The following PIK3C3 variants were observed in gnomAD, a reference collection of about 807,000 sequenced individuals.
The protein encoded by PIK3C3 is PI3-kinase type 3.
A neutral mutation model predicts 126.1 loss-of-function variants in PIK3C3; 95 were observed. The ratio of observed to expected loss-of-function variants is 0.75; its 90% CI spans 0.64 to 0.89. The LOEUF (loss-of-function observed/expected upper bound fraction) is 0.89, where lower values mean the gene tolerates loss of function less well. Ranked by LOEUF, PIK3C3 falls within the 40% of genes least tolerant of loss-of-function variation. The pLI, the probability that PIK3C3 is intolerant of heterozygous loss-of-function variation, is 0.00. For missense variants in PIK3C3, 829 were observed against 1,063.2 expected (o/e 0.78, Z 3.06); for synonymous variants, 374 against 360.0 (o/e 1.04, Z -0.44).
At chr18:42,064,663 C>G in intron 22 of PIK3C3, 77 bp from the exon 23 acceptor site, 1 of 720,286 alleles carries the variant, frequency 1.4e-6, no homozygotes, top group Non-Finnish European at 2.5e-6. Flanking sequence ...ACCACTACTT[C>G]TAAAGTATTC....
At chr18:41,968,809 T>G (rs2144308435) in intron 3 of PIK3C3, among the ~76,000 whole-genome samples, 1 of 151,224 alleles carries the variant, frequency 6.6e-6, no homozygotes, top group South Asian at 2.1e-4. Flanking sequence ...GAGACAATTT[T>G]TTTTTGTTGT....
intron 14 of PIK3C3, among the ~76,000 whole-genome samples, chr18:42,028,430 G>T (rs1483990804): frequency 1.3e-5 from 2 of 152,302 alleles, no homozygotes; most frequent in Non-Finnish European, 2.9e-5. Context: ...CCAGCAGAGG[G>T]TGCAAGGGCA....
intron 21 of PIK3C3, among the ~76,000 whole-genome samples, chr18:42,056,715 A>G (rs1985081674): frequency 6.6e-6 from 1 of 152,144 alleles, no homozygotes; most frequent in South Asian, 2.1e-4. Flanking sequence ...TGAACAGAGA[A>G]CACATATTTA....
chr18:42,037,843 G>A (rs373824421), intron 17 of PIK3C3, 23 bp downstream of exon 17: 8 of 1,585,280 alleles, frequency 5.0e-6, no homozygotes, highest in African/African-American at 4.0e-5. Flanking sequence ...TTATGTTGGT[G>A]GGGAACATTT....
intron 9 of PIK3C3, among the ~76,000 whole-genome samples, chr18:41,998,860 C>T (rs754704726): frequency 1.3e-5 from 2 of 152,152 alleles, no homozygotes; most frequent in Non-Finnish European, 2.9e-5. Flanking sequence ...CGGATACTCT[C>T]ATACTCCACC....
At chr18:42,054,368 A>C (rs1375248318) in intron 21 of PIK3C3, among the ~76,000 whole-genome samples, 1 of 150,788 alleles carries the variant, frequency 6.6e-6, no homozygotes, top group Non-Finnish European at 1.5e-5. Context: ...GAGGCTGGGC[A>C]AGTCTCTCTT....
At chr18:41,998,401 T>G (rs1463814347) in intron 9 of PIK3C3, among the ~76,000 whole-genome samples, 1 of 152,148 alleles carries the variant, frequency 6.6e-6, no homozygotes. Flanking sequence ...CAGTGTCGTC[T>G]TAAATACACA....
chr18:41,997,494 TG>T (rs1429003053), intron 9 of PIK3C3, among the ~76,000 whole-genome samples: 1 of 152,156 alleles, frequency 6.6e-6, no homozygotes, highest in Non-Finnish European at 1.5e-5. Context: ...CAAATTACTT[TG>T]CCTGTATAAG....
chr18:42,063,882 A>G (rs924762287), intron 22 of PIK3C3, among the ~76,000 whole-genome samples: 5 of 152,134 alleles, frequency 3.3e-5, no homozygotes, highest in African/African-American at 1.2e-4. Flanking sequence ...TTCATTGCCT[A>G]AAACCAACGC....
intron 4 of PIK3C3, among the ~76,000 whole-genome samples, chr18:41,986,938 G>A (rs1981509943): frequency 6.6e-6 from 1 of 152,022 alleles, no homozygotes; most frequent in South Asian, 2.1e-4. Context: ...AAAGAAGATT[G>A]ATAGTGAAGA....
At position 42,076,949 on chromosome 18, in the gene PIK3C3, A is replaced by G. The variant is rs147213349; in HGVS notation, c.2650-4174A>G. Among the ~76,000 whole-genome samples the G allele has an allele frequency of 2.7e-3, 417 of 152,306 alleles. 2 individuals are homozygous for G. The highest frequency in any genetic ancestry group is 9.7e-3 in the African/African-American group (404 of 41,562). The stretch of plus-strand genomic sequence containing the variant: ...TGAATATTTTGGGACTGTCTCTGCT[A>G]TATGTTTTTTATTTTTATTTTTTTC... On this transcript the variant is annotated intron_variant, in intron 24 of 24. Coordinates refer to ENST00000262039, the MANE Select transcript of PIK3C3 (RefSeq NM_002647.4).
chr18:42,025,434 G>T (rs1983523402), intron 13 of PIK3C3: 2 of 152,194 alleles, frequency 1.3e-5, no homozygotes, highest in Admixed American at 6.5e-5. Flanking sequence ...GCCAAGGAAA[G>T]TTTGAGGTAG....
chr18:42,042,798 T>G (rs531695383), intron 19 of PIK3C3, among the ~76,000 whole-genome samples: 2 of 152,230 alleles, frequency 1.3e-5, no homozygotes, highest in Non-Finnish European at 2.9e-5. Context: ...ACAGTAACAC[T>G]TCTTGTGTTT....
chr18:41,959,182 G>T (rs1212867314), intron 2 of PIK3C3, among the ~76,000 whole-genome samples: 1 of 152,092 alleles, frequency 6.6e-6, no homozygotes, highest in African/African-American at 2.4e-5. Flanking sequence ...ACAAATTTAG[G>T]TCTAGAAGGC....
intron 17 of PIK3C3, among the ~76,000 whole-genome samples, chr18:42,038,294 A>G (rs1184119136): frequency 6.6e-6 from 1 of 152,104 alleles, no homozygotes; most frequent in Non-Finnish European, 1.5e-5. Context: ...AATTTAGCAT[A>G]CCGTCATCTA....
intron 24 of PIK3C3, among the ~76,000 whole-genome samples, chr18:42,067,785 A>T (rs1259917311): frequency 1.3e-5 from 2 of 152,192 alleles, no homozygotes; most frequent in African/African-American, 4.8e-5. Context: ...CCTCTTGAGA[A>T]TGATTTTGGA....
intron 4 of PIK3C3, chr18:41,970,802 TG>T: frequency 2.5e-6 from 1 of 398,270 alleles, no homozygotes; most frequent in Non-Finnish European, 4.5e-6. Context: ...TGTATGGATT[TG>T]CCTGTTCTGG....
In PIK3C3 at chr18:42,027,490, C is replaced by CA; in HGVS notation, c.1535dup (p.Thr513AspfsTer3). ...GATCAAGATACTCAGCAGAGAGATCCAAAGACCCATGAGATGTACTTGAAC... is the reference window on the plus strand; with the variant it reads ...GATCAAGATACTCAGCAGAGAGATCCAAAAGACCCATGAGATGTACTTGAAC... On this transcript the variant is annotated frameshift_variant, in exon 14 of 25. Coordinates refer to ENST00000262039, the MANE Select transcript of PIK3C3 (RefSeq NM_002647.4). LOFTEE classifies it high-confidence loss of function. 6.2e-7 allele frequency: 1 copy of CA among 1,611,508 alleles called. No homozygotes were observed. The highest frequency in any genetic ancestry group is 8.5e-7 in the Non-Finnish European group (1 of 1,178,032).
At chr18:41,971,072 A>C (rs549533246) in intron 4 of PIK3C3, 1 of 153,362 alleles carries the variant, frequency 6.5e-6, no homozygotes. Flanking sequence ...TGTTTTAATC[A>C]AGTGTTTTCA....
Sources: gnomAD v4.1 joint callset for allele counts (sites outside exome capture counted in the v4.1 genomes callset) on GRCh38, gnomAD v4.1.1 for gene constraint, MANE v1.5 for transcripts, NCBI Gene and HGNC (gene_info 2026-07-23, HGNC 2026-07-21) for gene names.